The following GRIK2 variants were observed in gnomAD, a reference collection of about 807,000 sequenced individuals.
The protein encoded by GRIK2 is glutamate receptor ionotropic, kainate 2.
Under a neutral mutation model 100.3 loss-of-function variants are expected in GRIK2, and 32 were observed. That is an observed-to-expected ratio of 0.32 (90% CI 0.24 to 0.43). The LOEUF is 0.43. Among genes scored for constraint, GRIK2 ranks in the 20% least tolerant of loss-of-function variants. GRIK2 has a pLI of 1.00. For missense variants in GRIK2, 843 were observed against 1,114.9 expected (o/e 0.76, Z 3.47); for synonymous variants, 417 against 389.4 (o/e 1.07, Z -0.83).
Position 101,901,295 on chromosome 6 carries a change from A to G in GRIK2, c.1748+11432A>G, listed in dbSNP as rs1787831400. Reference sequence around the variant, plus strand: ...TTGGACAATTGGGTGTTTTAGAAAAAAAATGTATATTGATAGCCAGTGAAT... The same window carrying G: ...TTGGACAATTGGGTGTTTTAGAAAAGAAATGTATATTGATAGCCAGTGAAT... On this transcript the variant is annotated intron_variant, in intron 12 of 16. Transcript: ENST00000369134. 2.6e-5 allele frequency among the ~76,000 whole-genome samples: 4 copies of G among 152,170 alleles called. No individual in the cohort carries two copies. The South Asian group carries it at 8.3e-4, about 32-fold the overall frequency.
At chr6:101,996,424 G>A (rs539990511) in intron 14 of GRIK2, among the ~76,000 whole-genome samples, 7 of 151,954 alleles carry the variant, frequency 4.6e-5, no homozygotes, top group Non-Finnish European at 1.0e-4. Flanking sequence ...GATAATCATG[G>A]CCAAATTATT....
chr6:101,470,882 C>T (rs1771912815), intron 2 of GRIK2, among the ~76,000 whole-genome samples: 1 of 152,138 alleles, frequency 6.6e-6, no homozygotes, highest in African/African-American at 2.4e-5. Flanking sequence ...GGAATGTATA[C>T]ATTTGAAAAC....
At chr6:101,645,681 T>C (rs1395207404) in intron 4 of GRIK2, among the ~76,000 whole-genome samples, 2 of 151,920 alleles carry the variant, frequency 1.3e-5, no homozygotes, top group Non-Finnish European at 2.9e-5. Context: ...CTTGTTCAAT[T>C]AGTTGAAAAT....
intron 13 of GRIK2, among the ~76,000 whole-genome samples, chr6:101,925,672 A>G (rs886889122): frequency 6.6e-6 from 1 of 152,024 alleles, no homozygotes; most frequent in Non-Finnish European, 1.5e-5. Flanking sequence ...ATATTTCTTC[A>G]TAAGAGTTAT....
chr6:102,067,714 T>C (rs1258431023), intron 16 of GRIK2, among the ~76,000 whole-genome samples: 1 of 151,888 alleles, frequency 6.6e-6, no homozygotes, highest in Non-Finnish European at 1.5e-5. Flanking sequence ...AAGTTAATAT[T>C]TGTTTGTAGA....
At chr6:101,671,715 T>A (rs551789741) in intron 4 of GRIK2, among the ~76,000 whole-genome samples, 5 of 151,954 alleles carry the variant, frequency 3.3e-5, no homozygotes, top group African/African-American at 7.3e-5. Flanking sequence ...AATACAAAAA[T>A]TATCCGGGTG....
chr6:101,427,240 G>A (rs184542049), intron 2 of GRIK2, among the ~76,000 whole-genome samples: 110 of 152,282 alleles, frequency 7.2e-4, no homozygotes, highest in African/African-American at 2.5e-3. Context: ...TCTTGACACC[G>A]CTCCTCCCAC....
chr6:102,012,832 C>T (rs561691201), intron 14 of GRIK2, among the ~76,000 whole-genome samples: 29 of 152,140 alleles, frequency 1.9e-4, no homozygotes, highest in Non-Finnish European at 3.5e-4. Context: ...GTTTTGGTTA[C>T]TGTAGCCTTG....
At chr6:101,627,906 A>C (rs1315261739) in intron 4 of GRIK2, among the ~76,000 whole-genome samples, 2 of 152,194 alleles carry the variant, frequency 1.3e-5, no homozygotes, top group African/African-American at 4.8e-5. Context: ...TAAAGTAACA[A>C]AAATGAAATT....
chr6:101,909,932 G>A (rs1168728820), intron 12 of GRIK2, among the ~76,000 whole-genome samples: 3 of 151,002 alleles, frequency 2.0e-5, no homozygotes, highest in African/African-American at 7.3e-5. Context: ...AGCACTATCA[G>A]AAATAAAAAT....
chr6:101,774,389 C>T (rs1778606914), intron 7 of GRIK2, among the ~76,000 whole-genome samples: 1 of 152,120 alleles, frequency 6.6e-6, no homozygotes, highest in South Asian at 2.1e-4. Flanking sequence ...GAATACTTCC[C>T]CTTGGTATTG....
chr6:101,950,556 T>A (rs1239714880), intron 14 of GRIK2, among the ~76,000 whole-genome samples: 1 of 152,166 alleles, frequency 6.6e-6, no homozygotes, highest in Non-Finnish European at 1.5e-5. Flanking sequence ...AGCCCCCTTT[T>A]TAGGGCTTCT....
intron 2 of GRIK2, among the ~76,000 whole-genome samples, chr6:101,614,644 A>G (rs950959487): frequency 6.6e-6 from 1 of 151,790 alleles, no homozygotes; most frequent in Non-Finnish European, 1.5e-5. Flanking sequence ...GATTTGTACA[A>G]AATTAAAATG....
chr6:102,048,842 C>T (rs1203187274), intron 15 of GRIK2, among the ~76,000 whole-genome samples: 1 of 151,842 alleles, frequency 6.6e-6, no homozygotes, highest in African/African-American at 2.4e-5. Context: ...AATATAATTA[C>T]AATATCTGAA....
intron 2 of GRIK2, among the ~76,000 whole-genome samples, chr6:101,486,412 A>G (rs1304137669): frequency 6.6e-6 from 1 of 151,186 alleles, no homozygotes; most frequent in Non-Finnish European, 1.5e-5. Context: ...AGCTAAGTAG[A>G]TTATAGAAAG....
chr6:101,644,172 A>G (rs767120965), intron 4 of GRIK2, among the ~76,000 whole-genome samples: 45 of 151,878 alleles, frequency 3.0e-4, no homozygotes, highest in Non-Finnish European at 5.6e-4. Flanking sequence ...CAAATAAATT[A>G]CAGTACAGTA....
chr6:102,066,878 GA>G (rs1396206344), intron 16 of GRIK2, among the ~76,000 whole-genome samples: 2 of 151,622 alleles, frequency 1.3e-5, no homozygotes, highest in African/African-American at 4.8e-5. Flanking sequence ...GACCATTAAG[GA>G]AACTCTTTAA....
chr6:101,477,486 G>A (rs1008520831), intron 2 of GRIK2, among the ~76,000 whole-genome samples: 12 of 152,112 alleles, frequency 7.9e-5, no homozygotes, highest in African/African-American at 2.9e-4. Context: ...CTTTGATTGG[G>A]TGGCTACGAT....
chr6:101,966,822 A>G (rs1374886954), intron 14 of GRIK2, among the ~76,000 whole-genome samples: 1 of 152,156 alleles, frequency 6.6e-6, no homozygotes, highest in Admixed American at 6.6e-5. Flanking sequence ...CTTATAATCC[A>G]AGGCAAATAC....
Sources: gnomAD v4.1 joint callset for allele counts (sites outside exome capture counted in the v4.1 genomes callset) on GRCh38, gnomAD v4.1.1 for gene constraint, MANE v1.5 for transcripts, NCBI Gene and HGNC (gene_info 2026-07-23, HGNC 2026-07-21) for gene names.